Variants in TLE1 observed in about 807,000 individuals in gnomAD.
The protein encoded by TLE1 is transducin-like enhancer protein 1.
A neutral mutation model predicts 89.8 loss-of-function variants in TLE1; 21 were observed. The ratio of observed to expected loss-of-function variants is 0.23; its 90% CI spans 0.17 to 0.34. TLE1 has a LOEUF of 0.34. TLE1 is among the 10% of genes least tolerant of loss of function. The pLI, the probability that TLE1 is intolerant of heterozygous loss-of-function variation, is 1.00. For missense variants in TLE1, 795 were observed against 1,031.2 expected (o/e 0.77, Z 3.14); for synonymous variants, 447 against 407.6 (o/e 1.10, Z -1.16).
rs1270014166 is a variant in TLE1 at position 81,689,533 on chromosome 9, CG to C, written c.-1294del. Among the ~76,000 whole-genome samples the C allele has an allele frequency of 1.3e-5, 2 of 152,146 alleles. No individual in the cohort carries two copies. The highest frequency in any genetic ancestry group is 2.9e-5 in the Non-Finnish European group (2 of 68,012). On this transcript the variant is annotated 5_prime_UTR_variant, in exon 1 of 20. Transcript: ENST00000376499. ...CACCGCCGCCGCCGCCCGCGCCTCT[CG>C]CGCCGCTTACATTAACACGCGGTTT...
intron 4 of TLE1, among the ~76,000 whole-genome samples, chr9:81,678,740 A>T (rs964352203): frequency 2.0e-5 from 3 of 152,052 alleles, no homozygotes; most frequent in African/African-American, 7.2e-5. Context: ...GCTTGAACCT[A>T]CATACCTGTA....
intron 4 of TLE1, among the ~76,000 whole-genome samples, chr9:81,666,191 A>G (rs1831441919): frequency 6.6e-6 from 1 of 152,148 alleles, no homozygotes. Flanking sequence ...GTGGGCTTAA[A>G]GGAAAATGCA....
intron 8 of TLE1, among the ~76,000 whole-genome samples, chr9:81,621,958 A>G (rs968179105): frequency 2.6e-5 from 4 of 152,218 alleles, no homozygotes; most frequent in Non-Finnish European, 5.9e-5. Flanking sequence ...ACGCAATTCA[A>G]TATAGAGAAG....
At chr9:81,593,321 G>A (rs754880805) in intron 14 of TLE1, 47 bp from the exon 15 acceptor site, 2 of 1,557,758 alleles carry the variant, frequency 1.3e-6, no homozygotes, top group Non-Finnish European at 1.7e-6. Flanking sequence ...CATTTACAGA[G>A]GAAGCAATCC....
At position 81,613,362 on chromosome 9, in the gene TLE1, G is replaced by C. The variant is rs746624480; in HGVS notation, c.1063+15C>G. On this transcript the variant is annotated intron_variant, in intron 12 of 19. Coordinates refer to ENST00000376499, the MANE Select transcript of TLE1 (RefSeq NM_005077.5). ...GGAGAAACCAAACAAAGCACAACAA[G>C]AGGCGATGCTGTACCCGCTTGGTTA... 2 of 1,611,178 alleles carry C rather than the reference G, an allele frequency of 1.2e-6. No homozygotes were observed. The highest frequency in any genetic ancestry group is 2.2e-5 in the South Asian group (2 of 90,658).
intron 4 of TLE1, among the ~76,000 whole-genome samples, chr9:81,659,062 C>T (rs1223733789): frequency 6.6e-6 from 1 of 152,076 alleles, no homozygotes; most frequent in African/African-American, 2.4e-5. Context: ...GCACGCGCCA[C>T]CACACCTGGC....
intron 4 of TLE1, among the ~76,000 whole-genome samples, chr9:81,659,200 G>A (rs185292214): frequency 2.6e-5 from 4 of 152,214 alleles, no homozygotes; most frequent in South Asian, 2.1e-4. Flanking sequence ...GAGCCACCGC[G>A]CCTGGCCTCT....
intron 4 of TLE1, among the ~76,000 whole-genome samples, chr9:81,679,909 T>C (rs886189370): frequency 6.6e-6 from 1 of 152,148 alleles, no homozygotes; most frequent in East Asian, 1.9e-4. Flanking sequence ...CATGGAAACT[T>C]AAAATGGTTC....
At chr9:81,594,620 G>A (rs1466117147) in intron 14 of TLE1, among the ~76,000 whole-genome samples, 2 of 151,952 alleles carry the variant, frequency 1.3e-5, no homozygotes, top group South Asian at 2.1e-4. Context: ...CACTAAGAGA[G>A]CTAGAAGTTC....
intron 14 of TLE1, among the ~76,000 whole-genome samples, chr9:81,595,995 A>G (rs1245167064): frequency 1.3e-5 from 2 of 152,142 alleles, no homozygotes; most frequent in Admixed American, 6.5e-5. Context: ...GCCTCCAGGT[A>G]AGGCCAGGTT....
intron 17 of TLE1, among the ~76,000 whole-genome samples, chr9:81,587,261 TTTCTC>T (rs904450508): frequency 2.6e-4 from 40 of 152,266 alleles, no homozygotes; most frequent in African/African-American, 9.4e-4. Context: ...AGCTGTGACT[TTTCTC>T]TACTCTTAGT....
intron 4 of TLE1, among the ~76,000 whole-genome samples, chr9:81,661,205 T>TA: frequency 5.5e-5 from 1 of 18,182 alleles, no homozygotes; most frequent in Non-Finnish European, 1.3e-4. Flanking sequence ...TATATGTATT[T>TA]TTATATATAT....
chr9:81,594,058 G>C (rs1301536045), intron 14 of TLE1, among the ~76,000 whole-genome samples: 1 of 152,044 alleles, frequency 6.6e-6, no homozygotes, highest in Non-Finnish European at 1.5e-5. Context: ...AGAGGGATGG[G>C]GGATATGGGA....
At chr9:81,613,039 G>C (rs979138405) in intron 12 of TLE1, among the ~76,000 whole-genome samples, 3 of 152,158 alleles carry the variant, frequency 2.0e-5, no homozygotes, top group African/African-American at 7.2e-5. Flanking sequence ...GCCTGGGGGG[G>C]ACAAGAGCAA....
chr9:81,615,119 A>ATG (rs1158580045), intron 11 of TLE1, among the ~76,000 whole-genome samples: 1 of 81,318 alleles, frequency 1.2e-5, no homozygotes, highest in African/African-American at 5.5e-5. Context: ...AAAAAAAAAA[A>ATG]AAGAAGAAGA....
At chr9:81,659,799 G>A (rs917352537) in intron 4 of TLE1, among the ~76,000 whole-genome samples, 1 of 152,092 alleles carries the variant, frequency 6.6e-6, no homozygotes, top group African/African-American at 2.4e-5. Context: ...GTACTTAACA[G>A]GATTACCACC....
At chr9:81,635,571 A>G (rs1305214695) in intron 6 of TLE1, among the ~76,000 whole-genome samples, 1 of 152,190 alleles carries the variant, frequency 6.6e-6, no homozygotes, top group Non-Finnish European at 1.5e-5. Context: ...AGACAGTAAA[A>G]ATGATTAAGG....
intron 4 of TLE1, among the ~76,000 whole-genome samples, chr9:81,680,661 T>A (rs941275766): frequency 5.9e-5 from 9 of 152,154 alleles, no homozygotes; most frequent in African/African-American, 2.2e-4. Flanking sequence ...AAACAAAGGC[T>A]AATCTTGCAC....
chr9:81,586,221 G>A (rs1030136778), intron 17 of TLE1, among the ~76,000 whole-genome samples: 4 of 152,114 alleles, frequency 2.6e-5, no homozygotes, highest in African/African-American at 4.8e-5. Flanking sequence ...GTTTCACCGT[G>A]CCAGCCAGGA....
Sources: allele counts gnomAD v4.1 joint callset (sites outside exome capture counted in the v4.1 genomes callset), GRCh38; gene constraint gnomAD v4.1.1; transcripts MANE v1.5; gene names NCBI Gene and HGNC (gene_info 2026-07-23, HGNC 2026-07-21).